Variants in ZNF273 observed in about 807,000 individuals in gnomAD.
ZNF273 encodes the protein zinc finger protein 273, also known as zinc finger protein 9.
In ZNF273, 11 loss-of-function variants were observed where a neutral mutation model predicts 14.9. The observed-to-expected ratio is 0.74, with a 90% CI of 0.46 to 1.22. ZNF273 has a LOEUF of 1.22. ZNF273 is among the 50% of genes most tolerant of loss of function. The pLI is 0.00. For synonymous variants in ZNF273, 199 were observed against 223.9 expected, an observed-to-expected ratio of 0.89 and a Z score of 0.99; for missense variants, 577 against 660.6, an observed-to-expected ratio of 0.87 and a Z score of 1.39.
Position 64,928,954 on chromosome 7 carries a change from C to G in ZNF273, c.1626C>G (p.Tyr542Ter). The G allele has an allele frequency of 6.2e-7, 1 of 1,610,790 alleles. No individual in the cohort carries two copies. The highest frequency in any genetic ancestry group is 8.5e-7 in the Non-Finnish European group (1 of 1,178,672). ...HKKIHTGEKPYKPKRCDSAFD... is the reference protein window; with the variant it reads ...HKKIHTGEKP ...AAATTCATACTGGAGAGAAACCATA[C>G]AAACCTAAAAGATGTGACAGTGCTT... The change falls in exon 4 of 4, where the codon TAC (tyrosine) becomes TAG (stop). Residue 542 changes from tyrosine to a stop codon, truncating the protein, a stop_gained. Coordinates refer to ENST00000476120, the MANE Select transcript of ZNF273 (RefSeq NM_021148.3). LOFTEE classifies it low-confidence loss of function (END_TRUNC).
At chr7:64,925,913 G>C (rs1028730567) in intron 3 of ZNF273, among the ~76,000 whole-genome samples, 1 of 150,410 alleles carries the variant, frequency 6.6e-6, no homozygotes, top group African/African-American at 2.4e-5. Flanking sequence ...TAATGCTAAG[G>C]AATAGTATTT....
At chr7:64,927,573 T>C in intron 3 of ZNF273, 81 bp from the exon 4 acceptor site, 1 of 1,231,526 alleles carries the variant, frequency 8.1e-7, no homozygotes. Context: ...ATGTAGTTTG[T>C]ATATTTTTAT....
intron 3 of ZNF273, among the ~76,000 whole-genome samples, chr7:64,925,673 T>C (rs1190421097): frequency 6.6e-6 from 1 of 151,908 alleles, no homozygotes; most frequent in Non-Finnish European, 1.5e-5. Flanking sequence ...CTCTTGACCT[T>C]GCGATTCACC....
chr7:64,898,435 T>C (rs1388707808), upstream of ZNF273, among the ~76,000 whole-genome samples: 1 of 152,254 alleles, frequency 6.6e-6, no homozygotes, highest in African/African-American at 2.4e-5. Context: ...ACTGGTTTTC[T>C]ATTTTATCCT....
At chr7:64,894,028 A>C (rs2030811), downstream of ZNF273, 1 of 151,900 alleles carries the variant, frequency 6.6e-6, no homozygotes, top group Non-Finnish European at 1.5e-5. Flanking sequence ...TATTTGAGAC[A>C]TAGCCTTGCT....
At chr7:64,889,811 CTG>C (rs1175002654), downstream of ZNF273, 2 of 967,996 alleles carry the variant, frequency 2.1e-6, no homozygotes, top group Non-Finnish European at 2.5e-6. This position sits in a 1 kb window ranked among gnomAD's most constrained non-coding sequence, Gnocchi z 4.2. Context: ...TTTAAAAAAC[CTG>C]AGGGTTAAAT....
rs545982367 is a variant in ZNF273 at position 64,915,932 on chromosome 7, A to G, written c.103-1649A>G. ...CAGAGATGGCCAGGCATGATGGTTC[A>G]TGCCTGTAATCCCAGCACTTTGGGA... is the stretch of plus-strand genomic sequence containing the variant. On this transcript the variant is annotated intron_variant, in intron 1 of 3. Transcript: ENST00000476120. 1.3e-4 allele frequency among the ~76,000 whole-genome samples: 20 copies of G among 151,562 alleles called. 1 individual carries two copies. The South Asian group carries it at 3.9e-3, about 30-fold the overall frequency.
chr7:64,902,664 C>G (rs1792801844), upstream of ZNF273, among the ~76,000 whole-genome samples: 1 of 152,124 alleles, frequency 6.6e-6, no homozygotes, highest in South Asian at 2.1e-4. Context: ...GAGATCGGAT[C>G]GTGCCACTGC....
chr7:64,894,149 C>T (rs150792979), downstream of ZNF273, among the ~76,000 whole-genome samples: 13 of 152,238 alleles, frequency 8.5e-5, 1 homozygote, highest in African/African-American at 3.1e-4. Flanking sequence ...AAACTACAGG[C>T]GCGTGCCACT....
At chr7:64,883,849 T>G (rs6944404), downstream of ZNF273, among the ~76,000 whole-genome samples, 150,203 of 152,310 alleles carry the variant, frequency 0.99, 74,100 homozygotes, top group East Asian at 1. Flanking sequence ...AAACCTTTCC[T>G]TGTTCACAGA....
At chr7:64,914,207 T>C (rs994356226) in intron 1 of ZNF273, among the ~76,000 whole-genome samples, 2 of 135,348 alleles carry the variant, frequency 1.5e-5, no homozygotes, top group Non-Finnish European at 3.2e-5. Context: ...TTTTTTTTTT[T>C]TAGTACAGAT....
At chr7:64,926,387 A>G (rs1794767384) in intron 3 of ZNF273, among the ~76,000 whole-genome samples, 1 of 151,922 alleles carries the variant, frequency 6.6e-6, no homozygotes, top group Non-Finnish European at 1.5e-5. Context: ...TCATTTTTAC[A>G]TCAGATTTTC....
downstream of ZNF273, among the ~76,000 whole-genome samples, chr7:64,881,263 C>G (rs991940061): frequency 6.6e-6 from 1 of 152,164 alleles, no homozygotes; most frequent in Admixed American, 6.5e-5. Context: ...ATGTGGCCGG[C>G]ACACCAGCCT....
exon 1 of ZNF273, chr7:64,877,712 C>G (rs146156195): frequency 1.3e-5 from 2 of 152,460 alleles, no homozygotes; most frequent in African/African-American, 4.8e-5. Context: ...ATGGGATAGT[C>G]CCGCGATCCT....
Position 64,928,701 on chromosome 7 carries a change from A to C in ZNF273, c.1373A>C (p.Tyr458Ser), listed in dbSNP as rs566409807. The change falls in exon 4 of 4, where the codon TAC becomes TCC. Residue 458 changes from tyrosine to serine, a missense_variant. Tyr to Ser is a moderately radical substitution (Grantham distance 144). Coordinates refer to ENST00000476120, the MANE Select transcript of ZNF273 (RefSeq NM_021148.3). ...ATAATTCATACTGGAGCAAAACCTT[A>C]CAAATGTGAAGAATGTGGCAGTGCC... ...HKIIHTGAKPYKCEECGSAFR... is the reference protein window; with the variant it reads ...HKIIHTGAKPSKCEECGSAFR... 35 of 1,607,170 alleles carry C rather than the reference A, an allele frequency of 2.2e-5. No homozygotes were observed. Among genetic ancestry groups the C allele is most frequent in the Non-Finnish European group, 3.0e-5 (35 of 1,174,570 alleles).
At chr7:64,904,378 C>A (rs1283879570) in intron 1 of ZNF273, among the ~76,000 whole-genome samples, 1 of 152,224 alleles carries the variant, frequency 6.6e-6, no homozygotes, top group Non-Finnish European at 1.5e-5. Flanking sequence ...GCGTGAGCCA[C>A]CGCGCCCGGC....
intron 1 of ZNF273, among the ~76,000 whole-genome samples, chr7:64,910,394 T>C (rs1433913727): frequency 6.6e-6 from 1 of 152,218 alleles, no homozygotes; most frequent in Non-Finnish European, 1.5e-5. Flanking sequence ...TTATACATAG[T>C]ACTAGCTAGT....
In ZNF273 at chr7:64,918,237, G is replaced by A. The variant is rs928800182; in HGVS notation, c.270G>A (p.Glu90=). 1.3e-5 allele frequency: 20 copies of A among 1,570,630 alleles called. No homozygotes were observed. The African/African-American group carries it at 1.9e-4, about 15-fold the overall frequency. The stretch of plus-strand genomic sequence containing the variant: ...AGCCAGACCTGATCACTTGTCTGGA[G>A]CAAGGAAAAGAGCCCTGCAATATGA... ...VSKPDLITCL[E]QGKEPCNMKR... Residue 90 remains glutamate (E), a synonymous_variant, in exon 3 of 4, where the codon GAG becomes GAA. Transcript: ENST00000476120.
chr7:64,905,001 A>G (rs1051738520), intron 1 of ZNF273, among the ~76,000 whole-genome samples: 1 of 152,016 alleles, frequency 6.6e-6, no homozygotes, highest in Non-Finnish European at 1.5e-5. Flanking sequence ...TGTTTAGTGA[A>G]TATCAGCTCC....
Sources: allele counts gnomAD v4.1 joint callset (sites outside exome capture counted in the v4.1 genomes callset), GRCh38; gene constraint gnomAD v4.1.1; non-coding constraint Gnocchi (gnomAD v3.1); transcripts MANE v1.5; gene names NCBI Gene and HGNC (gene_info 2026-07-23, HGNC 2026-07-21).